Variants in SLC7A7 observed in about 807,000 individuals in gnomAD.
The protein encoded by SLC7A7 is solute carrier family 7 member 7.
SLC7A7 carries 39 observed loss-of-function variants against 47.9 expected under a neutral mutation model. The observed-to-expected ratio is 0.81, with a 90% CI of 0.63 to 1.06. SLC7A7 has a LOEUF of 1.06. Ranked by LOEUF, SLC7A7 falls within the 50% of genes least tolerant of loss-of-function variation. The pLI is 0.00. For synonymous variants in SLC7A7, 234 were observed against 242.8 expected (o/e 0.96, Z 0.34); for missense variants, 588 against 632.0 (o/e 0.93, Z 0.75).
chr14:22,787,358 C>T (rs2038835013), intron 2 of SLC7A7, among the ~76,000 whole-genome samples: 1 of 151,920 alleles, frequency 6.6e-6, no homozygotes, highest in Non-Finnish European at 1.5e-5. Context: ...ATCGCTTGAA[C>T]CCAGGAGGCG....
At chr14:22,777,847 G>A (rs893742734) in intron 4 of SLC7A7, among the ~76,000 whole-genome samples, 8 of 152,222 alleles carry the variant, frequency 5.3e-5, no homozygotes, top group Non-Finnish European at 1.0e-4. Flanking sequence ...GCTAAGGCGG[G>A]CGGATCACCT....
At chr14:22,799,448 C>CTTTTTTT (rs56375225) in intron 2 of SLC7A7, among the ~76,000 whole-genome samples, 65 of 76,180 alleles carry the variant, frequency 8.5e-4, no homozygotes, top group Admixed American at 1.2e-3. Context: ...TTTTTTCTTT[C>CTTTTTTT]TTTTTTTTTT....
At position 22,782,363 on chromosome 14, in the gene SLC7A7, A is replaced by G. The variant is rs533470672; in HGVS notation, c.500-2312T>C. Among the ~76,000 whole-genome samples the G allele has an allele frequency of 4.6e-5, 7 of 151,982 alleles. No homozygotes were observed. The South Asian group carries it at 1.2e-3, about 27-fold the overall frequency. On this transcript the variant is annotated intron_variant, in intron 2 of 9. Transcript: ENST00000674313. Reference sequence around the variant, plus strand: ...GGTGATCCACCCACCTCAGCCTCCCAAAGTGCTGGGATTACAAGCATGAGC... The same window carrying G: ...GGTGATCCACCCACCTCAGCCTCCCGAAGTGCTGGGATTACAAGCATGAGC...
intron 2 of SLC7A7, among the ~76,000 whole-genome samples, chr14:22,792,838 A>G (rs1406032683): frequency 2.2e-5 from 3 of 138,576 alleles, no homozygotes; most frequent in Non-Finnish European, 3.1e-5. Flanking sequence ...AGCCTGGATG[A>G]TAGTGTGAGG....
Position 22,804,355 on chromosome 14 carries a change from A to G in SLC7A7, c.499+8545T>C, listed in dbSNP as rs955451662. 2.6e-5 allele frequency among the ~76,000 whole-genome samples: 4 copies of G among 152,226 alleles called. No homozygotes were observed. The South Asian group carries it at 6.2e-4, about 24-fold the overall frequency. On this transcript the variant is annotated intron_variant, in intron 2 of 9. Transcript: ENST00000674313. ...GCAATTGCCAAAAAAGCAAAAATTGACAAATGGGATCTTATTAAACTAAAG... is the reference window on the plus strand; with the variant it reads ...GCAATTGCCAAAAAAGCAAAAATTGGCAAATGGGATCTTATTAAACTAAAG...
intron 2 of SLC7A7, among the ~76,000 whole-genome samples, chr14:22,808,181 G>T (rs571248318): frequency 1.3e-5 from 2 of 150,350 alleles, no homozygotes; most frequent in South Asian, 4.2e-4. Flanking sequence ...AAAAAAAGAA[G>T]TTGCCCCATT....
intron 1 of SLC7A7, among the ~76,000 whole-genome samples, chr14:22,814,524 G>T (rs1439017053): frequency 6.6e-6 from 1 of 152,026 alleles, no homozygotes; most frequent in African/African-American, 2.4e-5. Flanking sequence ...CTAAATGTTG[G>T]TTCTCTCTGA....
At chr14:22,795,385 G>GCTTTCTTT (rs1160830498) in intron 2 of SLC7A7, among the ~76,000 whole-genome samples, 5 of 14,490 alleles carry the variant, frequency 3.5e-4, no homozygotes, top group African/African-American at 1.0e-3. Context: ...TTGCTTGCTT[G>GCTTTCTTT]CTTTCTTTCT....
chr14:22,795,675 ATGT>A (rs1387544035), intron 2 of SLC7A7, among the ~76,000 whole-genome samples: 1 of 151,150 alleles, frequency 6.6e-6, no homozygotes, highest in African/African-American at 2.4e-5. Context: ...GGGTTTCACC[ATGT>A]TAGCCAGGAT....
intron 4 of SLC7A7, among the ~76,000 whole-genome samples, chr14:22,777,176 G>T (rs926351804): frequency 5.3e-4 from 81 of 151,712 alleles, no homozygotes; most frequent in Admixed American, 1.7e-3. Context: ...AGCAGGGCGG[G>T]GGGGATTAAC....
chr14:22,795,551 T>C (rs1264650577), intron 2 of SLC7A7, among the ~76,000 whole-genome samples: 2 of 151,680 alleles, frequency 1.3e-5, no homozygotes, highest in Admixed American at 1.3e-4. Flanking sequence ...CTCGGCTCAC[T>C]GCAAGCTCCG....
At chr14:22,796,641 G>C (rs551611778) in intron 2 of SLC7A7, among the ~76,000 whole-genome samples, 71 of 152,274 alleles carry the variant, frequency 4.7e-4, no homozygotes, top group African/African-American at 1.7e-3. Flanking sequence ...CATACTGAAG[G>C]CATAGATGGT....
intron 2 of SLC7A7, among the ~76,000 whole-genome samples, chr14:22,783,513 G>T (rs1371842437): frequency 6.6e-6 from 1 of 151,198 alleles, no homozygotes; most frequent in Non-Finnish European, 1.5e-5. Context: ...CGGTTCTCCT[G>T]CCTCAGCCTC....
chr14:22,780,034 TA>T lies in SLC7A7; in HGVS notation c.516del (p.Asn173ThrfsTer23), dbSNP rs2038690553. On this transcript the variant is annotated frameshift_variant, in exon 3 of 10. Transcript: ENST00000674313. LOFTEE classifies it high-confidence loss of function. Reference protein sequence around the residue: ...AAACICLLTFINCAYVKWGTL... With the variant: ...AAACICLLTFXNCAYVKWGTL... ...GTTCCCCATTTGACATAGGCACAGT[TA>T]ATGAAGGTTAAGAGACCTGAAAGAA... The T allele has an allele frequency of 6.2e-7, 1 of 1,613,960 alleles. No homozygotes were observed. Among genetic ancestry groups the T allele is most frequent in the Non-Finnish European group, 8.5e-7 (1 of 1,179,984 alleles).
At chr14:22,798,383 G>A (rs2039054285) in intron 2 of SLC7A7, among the ~76,000 whole-genome samples, 1 of 152,128 alleles carries the variant, frequency 6.6e-6, no homozygotes, top group Non-Finnish European at 1.5e-5. Flanking sequence ...ATTTGACCTA[G>A]CATTGATTGA....
At chr14:22,776,686 A>C (rs1440209715) in intron 4 of SLC7A7, among the ~76,000 whole-genome samples, 1 of 151,964 alleles carries the variant, frequency 6.6e-6, no homozygotes. Context: ...CTAGCCAAGC[A>C]GCTGGGCGTG....
chr14:22,816,935 C>T (rs1479629465), upstream of SLC7A7, among the ~76,000 whole-genome samples: 1 of 151,968 alleles, frequency 6.6e-6, no homozygotes. Context: ...GGAGACTCTC[C>T]TTTTCTCCAA....
intron 2 of SLC7A7, among the ~76,000 whole-genome samples, chr14:22,782,403 T>A (rs959361727): frequency 3.8e-5 from 5 of 131,826 alleles, no homozygotes; most frequent in Non-Finnish European, 7.8e-5. Context: ...GCGCCCGGCC[T>A]ATATTTTATT....
chr14:22,775,675 T>C, intron 6 of SLC7A7, 135 bp from the exon 7 acceptor site: 2 of 940,870 alleles, frequency 2.1e-6, no homozygotes, highest in South Asian at 2.6e-5. Context: ...GAGCTCAGTA[T>C]TAAGATTAAT....
Sources: gnomAD v4.1 joint callset for allele counts (sites outside exome capture counted in the v4.1 genomes callset) on GRCh38, gnomAD v4.1.1 for gene constraint, MANE v1.5 for transcripts, NCBI Gene and HGNC (gene_info 2026-07-23, HGNC 2026-07-21) for gene names.